The following SPEF2 variants were observed in gnomAD, a reference collection of about 807,000 sequenced individuals.
SPEF2 encodes the protein sperm flagellar and cilia associated 2.
SPEF2 carries 187 observed loss-of-function variants against 224.6 expected under a neutral mutation model. The ratio of observed to expected loss-of-function variants is 0.83; its 90% confidence interval spans 0.74 to 0.94. The LOEUF (loss-of-function observed/expected upper bound fraction) is 0.94, where lower values mean the gene tolerates loss of function less well. SPEF2 is among the 40% of genes least tolerant of loss of function. The probability of loss-of-function intolerance (pLI) is 0.00; values close to 1 mark genes in which losing one functional copy is unlikely to be tolerated. For synonymous variants in SPEF2, 715 were observed against 707.3 expected (o/e 1.01, Z -0.17); for missense variants, 2,170 against 2,135.6 (o/e 1.02, Z -0.32).
In SPEF2 at chr5:35,761,865, T is replaced by C. The variant is rs1317080018; in HGVS notation, c.3621-1657T>C. 2.0e-5 allele frequency among the ~76,000 whole-genome samples: 3 copies of C among 152,166 alleles called. No homozygotes were observed. In the East Asian group the frequency reaches 5.8e-4, roughly 29 times the overall value. Reference sequence around the variant, plus strand: ...TGGCAAAAGAACATCCAGTTCTTATTTCCTGCGAATAACTCTGCACCAGTC... The same window carrying C: ...TGGCAAAAGAACATCCAGTTCTTATCTCCTGCGAATAACTCTGCACCAGTC... On this transcript the variant is annotated intron_variant, in intron 25 of 36. Transcript: ENST00000356031.
chr5:35,680,661 C>T (rs1015901060), intron 10 of SPEF2, among the ~76,000 whole-genome samples: 23 of 151,904 alleles, frequency 1.5e-4, no homozygotes, highest in African/African-American at 4.1e-4. Context: ...TGTGTGGATA[C>T]GAATAGGAGG....
intron 20 of SPEF2, among the ~76,000 whole-genome samples, chr5:35,726,174 G>T (rs934394849): frequency 5.9e-5 from 9 of 152,134 alleles, no homozygotes; most frequent in African/African-American, 2.2e-4. Flanking sequence ...TTACACAAAA[G>T]TTGTATGGAA....
At chr5:35,807,992 C>A in intron 36 of SPEF2, 1 of 1,286,052 alleles carries the variant, frequency 7.8e-7, no homozygotes, top group Non-Finnish European at 9.8e-7. Flanking sequence ...GTGTATTGAA[C>A]TACAAAGTGT....
intron 3 of SPEF2, among the ~76,000 whole-genome samples, chr5:35,643,331 G>A (rs963401521): frequency 6.6e-6 from 1 of 152,114 alleles, no homozygotes; most frequent in South Asian, 2.1e-4. Context: ...TACATATTGG[G>A]GAGAGAAAAA....
At chr5:35,685,989 C>T (rs2149519229) in intron 10 of SPEF2, among the ~76,000 whole-genome samples, 1 of 151,978 alleles carries the variant, frequency 6.6e-6, no homozygotes, top group Non-Finnish European at 1.5e-5. Context: ...CTTTGGATTT[C>T]ACAAGCACCT....
chr5:35,720,135 AT>A (rs1344250106), intron 20 of SPEF2, among the ~76,000 whole-genome samples: 2 of 152,246 alleles, frequency 1.3e-5, no homozygotes, highest in African/African-American at 4.8e-5. Flanking sequence ...GCAAACAACT[AT>A]ATTTCCATAA....
chr5:35,804,106 G>T (rs569878650), intron 34 of SPEF2, among the ~76,000 whole-genome samples: 149 of 152,270 alleles, frequency 9.8e-4, no homozygotes, highest in African/African-American at 3.5e-3. Flanking sequence ...GAGGCCCTGG[G>T]GTAGAAACAC....
chr5:35,789,380 G>C (rs1352695978), intron 30 of SPEF2: 1 of 703,318 alleles, frequency 1.4e-6, no homozygotes, highest in South Asian at 1.5e-5. Flanking sequence ...AACAAGGTGA[G>C]AGGTTGGGAT....
chr5:35,800,777 T>C (rs1757312056), intron 34 of SPEF2, among the ~76,000 whole-genome samples: 1 of 152,176 alleles, frequency 6.6e-6, no homozygotes. Flanking sequence ...GTTCTGTTGT[T>C]TGGGGGCTGG....
chr5:35,679,551 A>C (rs544302137), intron 10 of SPEF2, among the ~76,000 whole-genome samples: 3 of 152,320 alleles, frequency 2.0e-5, no homozygotes, highest in South Asian at 2.1e-4. Context: ...TGTTTTTCTC[A>C]TCTGCCAGTC....
chr5:35,813,653 T>A (rs548633895), intron 36 of SPEF2, among the ~76,000 whole-genome samples: 1 of 152,170 alleles, frequency 6.6e-6, no homozygotes, highest in Non-Finnish European at 1.5e-5. Context: ...TGATTCACTA[T>A]GATTCCTCGC....
At chr5:35,653,873 G>A (rs1478508576) in intron 6 of SPEF2, among the ~76,000 whole-genome samples, 1 of 148,870 alleles carries the variant, frequency 6.7e-6, no homozygotes, top group Non-Finnish European at 1.5e-5. Flanking sequence ...CTTGAACCCA[G>A]CAGGCGGAGG....
At chr5:35,697,635 T>C in intron 14 of SPEF2, 55 bp from the exon 15 acceptor site, 1 of 1,418,686 alleles carries the variant, frequency 7.0e-7, no homozygotes, top group East Asian at 2.3e-5. Context: ...TCCAAATGTT[T>C]GGAATTTGAC....
intron 1 of SPEF2, among the ~76,000 whole-genome samples, chr5:35,621,745 G>A (rs1459834046): frequency 1.3e-5 from 2 of 152,184 alleles, no homozygotes; most frequent in Non-Finnish European, 2.9e-5. Context: ...TGCCAAGCCT[G>A]TGCATTTGCT....
rs561983510 is a variant in SPEF2, at chr5:35,726,987, C to G, written c.2915-688C>G. On this transcript the variant is annotated intron_variant, in intron 20 of 36. Coordinates refer to ENST00000356031, the MANE Select transcript of SPEF2 (RefSeq NM_024867.4). ...TTCTCGTTTTCTTCCCAAGCACCCC[C>G]CCCCTTTCCTCCCCTCCCCTCCCCT... is the stretch of plus-strand genomic sequence containing the variant. Among the ~76,000 whole-genome samples, 22 of 77,730 alleles carry G rather than the reference C, an allele frequency of 2.8e-4. 1 individual carries two copies. The South Asian group carries it at 8.1e-3, about 29-fold the overall frequency. The allele number at this position is 77,730 out of a possible 152,430, so 51.0% of individuals were successfully genotyped here.
At chr5:35,801,616 G>A (rs1757433982) in intron 34 of SPEF2, among the ~76,000 whole-genome samples, 1 of 152,158 alleles carries the variant, frequency 6.6e-6, no homozygotes. Flanking sequence ...TCTCTCTGTA[G>A]ATGGGAGTTC....
At chr5:35,787,260 C>CCTT (rs1554057391) in intron 30 of SPEF2, among the ~76,000 whole-genome samples, 1 of 141,052 alleles carries the variant, frequency 7.1e-6, no homozygotes, top group Admixed American at 7.1e-5. Flanking sequence ...GCTTCACACC[C>CCTT]TTTTTTTTTT....
intron 2 of SPEF2, among the ~76,000 whole-genome samples, chr5:35,635,432 C>G (rs187623769): frequency 6.6e-6 from 1 of 152,216 alleles, no homozygotes; most frequent in Admixed American, 6.5e-5. Flanking sequence ...GATAACTTTA[C>G]CATGAAATAT....
intron 1 of SPEF2, among the ~76,000 whole-genome samples, chr5:35,625,714 C>G (rs879757458): frequency 2.0e-5 from 3 of 152,080 alleles, no homozygotes; most frequent in Admixed American, 6.5e-5. Flanking sequence ...AGGGAAGAGG[C>G]AGACAGAAGA....
Sources: gnomAD v4.1 joint callset for allele counts (sites outside exome capture counted in the v4.1 genomes callset) on GRCh38, gnomAD v4.1.1 for gene constraint, MANE v1.5 for transcripts, NCBI Gene and HGNC (gene_info 2026-07-23, HGNC 2026-07-21) for gene names.